The following DIS3L2 variants were observed in gnomAD, a reference collection of about 807,000 sequenced individuals.
The protein encoded by DIS3L2 is DIS3-like exonuclease 2.
In DIS3L2, 34 loss-of-function variants were observed where a neutral mutation model predicts 97.5. The observed-to-expected ratio is 0.35, with a 90% CI of 0.27 to 0.46. DIS3L2 has a LOEUF of 0.46. Ranked by LOEUF, DIS3L2 falls within the 20% of genes least tolerant of loss-of-function variation. The pLI is 1.00. For synonymous variants in DIS3L2, 435 were observed against 445.2 expected (o/e 0.98, Z 0.29); for missense variants, 1,038 against 1,146.0 (o/e 0.91, Z 1.36).
chr2:232,235,090 T>A (rs764350055), intron 10 of DIS3L2, among the ~76,000 whole-genome samples: 1 of 152,066 alleles, frequency 6.6e-6, no homozygotes, highest in Admixed American at 6.5e-5. Flanking sequence ...TTCAAAGGAG[T>A]GTTTGTACTC....
intron 9 of DIS3L2, among the ~76,000 whole-genome samples, chr2:232,204,748 A>G (rs1196552419): frequency 2.6e-5 from 4 of 152,158 alleles, no homozygotes; most frequent in Non-Finnish European, 4.4e-5. Context: ...ACTGAGTGTA[A>G]CAGCTGCACA....
At chr2:232,198,053 A>T (rs1166357430) in intron 9 of DIS3L2, among the ~76,000 whole-genome samples, 1 of 151,584 alleles carries the variant, frequency 6.6e-6, no homozygotes, top group African/African-American at 2.4e-5. Context: ...GGTCTAATTG[A>T]CTTGTTTGGT....
chr2:231,974,831 A>G (rs1360362765), intron 1 of DIS3L2, among the ~76,000 whole-genome samples: 1 of 152,160 alleles, frequency 6.6e-6, no homozygotes, highest in African/African-American at 2.4e-5. Flanking sequence ...GAATAAACAA[A>G]TCATCTCTTA....
intron 4 of DIS3L2, among the ~76,000 whole-genome samples, chr2:232,026,111 T>C (rs1694649538): frequency 6.6e-6 from 1 of 152,142 alleles, no homozygotes; most frequent in South Asian, 2.1e-4. Flanking sequence ...CAGTATAGAA[T>C]TTCCCTAAGT....
intron 10 of DIS3L2, among the ~76,000 whole-genome samples, chr2:232,212,797 G>T (rs1257957696): frequency 2.6e-5 from 4 of 152,162 alleles, no homozygotes; most frequent in African/African-American, 9.7e-5. Flanking sequence ...ATCAATAGGG[G>T]GGGTTGGAGT....
At chr2:232,216,745 C>T (rs577946326) in intron 10 of DIS3L2, among the ~76,000 whole-genome samples, 2 of 152,206 alleles carry the variant, frequency 1.3e-5, no homozygotes, top group East Asian at 3.9e-4. Flanking sequence ...AAGAGTTGAT[C>T]GTTTTGCAGG....
At chr2:232,207,644 G>A (rs1469935248) in intron 9 of DIS3L2, among the ~76,000 whole-genome samples, 2 of 152,002 alleles carry the variant, frequency 1.3e-5, no homozygotes. Context: ...ACCCTTTCTG[G>A]GATCTGCACT....
intron 5 of DIS3L2, among the ~76,000 whole-genome samples, chr2:232,041,910 G>A (rs1695119904): frequency 6.6e-6 from 1 of 152,196 alleles, no homozygotes; most frequent in African/African-American, 2.4e-5. Flanking sequence ...GTACTGAGAG[G>A]ATAAAGTGGG....
intron 6 of DIS3L2, among the ~76,000 whole-genome samples, chr2:232,127,444 A>G (rs1056192691): frequency 2.1e-4 from 32 of 152,054 alleles, no homozygotes; most frequent in African/African-American, 6.8e-4. Context: ...AGACTATTCA[A>G]CTCCAAAATA....
At chr2:232,100,644 CT>C (rs1338018871) in intron 6 of DIS3L2, among the ~76,000 whole-genome samples, 1 of 151,656 alleles carries the variant, frequency 6.6e-6, no homozygotes, top group African/African-American at 2.4e-5. Flanking sequence ...TTTATTAAGG[CT>C]ATTTAATTCT....
At chr2:232,054,640 G>A (rs1695495108) in intron 5 of DIS3L2, among the ~76,000 whole-genome samples, 1 of 152,130 alleles carries the variant, frequency 6.6e-6, no homozygotes, top group Non-Finnish European at 1.5e-5. Flanking sequence ...ACACCTTTTT[G>A]AGGTATGAAA....
At chr2:232,226,710 G>A (rs1360610801) in intron 10 of DIS3L2, among the ~76,000 whole-genome samples, 3 of 152,160 alleles carry the variant, frequency 2.0e-5, no homozygotes, top group African/African-American at 4.8e-5. Context: ...GGTGGCTCAC[G>A]CCTGTAACCC....
At chr2:232,166,641 G>C (rs138122084) in intron 9 of DIS3L2, among the ~76,000 whole-genome samples, 1 of 151,442 alleles carries the variant, frequency 6.6e-6, no homozygotes, top group Non-Finnish European at 1.5e-5. Flanking sequence ...GCTTGAACCC[G>C]GGAGGCGGAG....
intron 9 of DIS3L2, among the ~76,000 whole-genome samples, chr2:232,192,390 A>G (rs992584289): frequency 6.6e-6 from 1 of 152,166 alleles, no homozygotes; most frequent in Non-Finnish European, 1.5e-5. Flanking sequence ...CACGGTCCTC[A>G]TATGTCTCCA....
intron 14 of DIS3L2, among the ~76,000 whole-genome samples, chr2:232,309,602 C>G (rs1333120774): frequency 6.6e-6 from 1 of 151,884 alleles, no homozygotes; most frequent in African/African-American, 2.4e-5. Flanking sequence ...CCTCAGCACC[C>G]CCACCAGCTA....
At chr2:232,190,131 C>T (rs1259612295) in intron 9 of DIS3L2, among the ~76,000 whole-genome samples, 2 of 152,076 alleles carry the variant, frequency 1.3e-5, no homozygotes, top group Non-Finnish European at 2.9e-5. Context: ...AGTTCGAGAC[C>T]AGCCTGGGCA....
chr2:232,334,213 G>T (rs1407448805), intron 17 of DIS3L2, among the ~76,000 whole-genome samples, 156 bp from the exon 18 acceptor site: 1 of 152,196 alleles, frequency 6.6e-6, no homozygotes, highest in Non-Finnish European at 1.5e-5. Flanking sequence ...GGAGGAGGGC[G>T]CTGACCTCGA....
At chr2:232,207,733 G>GT (rs1037347984) in intron 9 of DIS3L2, among the ~76,000 whole-genome samples, 7 of 152,158 alleles carry the variant, frequency 4.6e-5, no homozygotes, top group African/African-American at 1.7e-4. Context: ...TAGGGACACA[G>GT]TTTTTACCAG....
At chr2:232,332,969 C>T in intron 16 of DIS3L2, among the ~76,000 whole-genome samples, 1 of 152,044 alleles carries the variant, frequency 6.6e-6, no homozygotes, top group East Asian at 1.9e-4. Context: ...TCCTCCCACT[C>T]TGGCCAGATG....
Sources: allele counts gnomAD v4.1 joint callset (sites outside exome capture counted in the v4.1 genomes callset), GRCh38; gene constraint gnomAD v4.1.1; transcripts MANE v1.5; gene names NCBI Gene and HGNC (gene_info 2026-07-23, HGNC 2026-07-21).